Variants in ARHGEF38 observed in about 807,000 individuals in gnomAD.
ARHGEF38 encodes the protein Rho guanine nucleotide exchange factor 38, also known as Rho guanine nucleotide exchange factor (GEF) 38.
In ARHGEF38, 79 loss-of-function variants were observed where a neutral mutation model predicts 79.9. The ratio of observed to expected loss-of-function variants is 0.99; its 90% CI spans 0.82 to 1.19. The LOEUF (loss-of-function observed/expected upper bound fraction) is 1.19. ARHGEF38 is among the 50% of genes most tolerant of loss of function. The pLI is 0.00. For synonymous variants in ARHGEF38, 366 were observed against 328.3 expected (o/e 1.11, Z -1.24); for missense variants, 962 against 907.2 (o/e 1.06, Z -0.78).
At chr4:105,581,647 CTG>C (rs1726795452) in intron 1 of ARHGEF38, among the ~76,000 whole-genome samples, 1 of 152,032 alleles carries the variant, frequency 6.6e-6, no homozygotes, top group Non-Finnish European at 1.5e-5. Flanking sequence ...TTTTAAGATT[CTG>C]TATTATCTTT....
intron 2 of ARHGEF38, among the ~76,000 whole-genome samples, chr4:105,601,599 G>T (rs1009020697): frequency 2.6e-5 from 4 of 152,258 alleles, no homozygotes; most frequent in African/African-American, 9.6e-5. Context: ...TCCTATGGGA[G>T]GAGTATTTAC....
chr4:105,583,040 AGTT>A (rs1245321657), intron 1 of ARHGEF38, among the ~76,000 whole-genome samples: 5 of 152,130 alleles, frequency 3.3e-5, no homozygotes, highest in Admixed American at 1.3e-4. Context: ...AATGGCATAT[AGTT>A]GTTGTTTTTT....
At chr4:105,641,002 C>A (rs28415919) in intron 5 of ARHGEF38, among the ~76,000 whole-genome samples, 49,343 of 151,984 alleles carry the variant, frequency 0.32, 10,995 homozygotes, top group African/African-American at 0.63. Context: ...GTTCTTTTAA[C>A]CTGCAAATTC....
intron 3 of ARHGEF38, among the ~76,000 whole-genome samples, chr4:105,619,280 A>T (rs1728640422): frequency 6.6e-6 from 1 of 151,306 alleles, no homozygotes; most frequent in African/African-American, 2.4e-5. Flanking sequence ...GTGAGGGGAG[A>T]GGCCCAAACT....
chr4:105,667,996 A>T (rs1167719740), intron 13 of ARHGEF38, among the ~76,000 whole-genome samples: 1 of 152,176 alleles, frequency 6.6e-6, no homozygotes, highest in Non-Finnish European at 1.5e-5. Context: ...TACTTACAGC[A>T]AAGTATCTTT....
intron 5 of ARHGEF38, 66 bp from the exon 6 acceptor site, chr4:105,645,122 A>T: frequency 8.7e-7 from 1 of 1,147,200 alleles, no homozygotes; most frequent in Non-Finnish European, 1.1e-6. Context: ...ATAAAAACAC[A>T]CAAAAATGAA....
chr4:105,618,607 C>A (rs1026943019), intron 3 of ARHGEF38, among the ~76,000 whole-genome samples: 4 of 151,754 alleles, frequency 2.6e-5, no homozygotes, highest in Non-Finnish European at 5.9e-5. Flanking sequence ...GGTGACAGAG[C>A]GAGACTCCAT....
chr4:105,575,276 GAGTAGA>G (rs1446224517), intron 1 of ARHGEF38, among the ~76,000 whole-genome samples: 1 of 152,108 alleles, frequency 6.6e-6, no homozygotes, highest in Non-Finnish European at 1.5e-5. Flanking sequence ...CCCACCAGCA[GAGTAGA>G]AGCATTCTCC....
At chr4:105,593,349 C>T (rs1299174747) in intron 2 of ARHGEF38, among the ~76,000 whole-genome samples, 1 of 151,914 alleles carries the variant, frequency 6.6e-6, no homozygotes, top group Non-Finnish European at 1.5e-5. Flanking sequence ...CGAGACCAGC[C>T]TGGGCAGCAT....
chr4:105,660,434 CTTT>C (rs561329360), intron 10 of ARHGEF38, among the ~76,000 whole-genome samples: 8 of 139,896 alleles, frequency 5.7e-5, no homozygotes, highest in Admixed American at 1.4e-4. Flanking sequence ...CTTCCTCATT[CTTT>C]TTTTTTTTTT....
chr4:105,626,615 T>C (rs996520648), intron 3 of ARHGEF38, among the ~76,000 whole-genome samples: 1 of 152,132 alleles, frequency 6.6e-6, no homozygotes, highest in African/African-American at 2.4e-5. Flanking sequence ...ATTGTTTATT[T>C]ACCTTATTAT....
chr4:105,669,462 G>T (rs1730885523), intron 13 of ARHGEF38, among the ~76,000 whole-genome samples: 1 of 152,090 alleles, frequency 6.6e-6, no homozygotes, highest in Non-Finnish European at 1.5e-5. Flanking sequence ...AGGGCCAAAG[G>T]TATGTACATT....
chr4:105,583,987 T>G (rs1411886523), intron 1 of ARHGEF38, among the ~76,000 whole-genome samples: 1 of 152,164 alleles, frequency 6.6e-6, no homozygotes, highest in Non-Finnish European at 1.5e-5. Context: ...GTTTCCTGAG[T>G]ATGTTCCCTT....
At position 105,562,833 on chromosome 4, in the gene ARHGEF38, GACC is replaced by G. The variant is rs145645383; in HGVS notation, c.196+9879_196+9881del. 8.1e-3 allele frequency among the ~76,000 whole-genome samples: 1,235 copies of G among 152,268 alleles called. 16 individuals carry two copies. Among genetic ancestry groups the G allele is most frequent in the African/African-American group, 0.028 (1,166 of 41,552 alleles). On this transcript the variant is annotated intron_variant, in intron 1 of 13. Transcript: ENST00000420470. ...GGGGAATTATTAGGCAACATTCTGT[GACC>G]ACCACCTGGGGAAGAAAAGGGAAGG...
intron 1 of ARHGEF38, among the ~76,000 whole-genome samples, chr4:105,582,353 T>G (rs1444763858): frequency 6.6e-6 from 1 of 151,826 alleles, no homozygotes; most frequent in Non-Finnish European, 1.5e-5. Flanking sequence ...CACTCTTGCT[T>G]CTTTTCTTGT....
At chr4:105,655,300 A>G (rs1182807335) in intron 8 of ARHGEF38, among the ~76,000 whole-genome samples, 3 of 152,204 alleles carry the variant, frequency 2.0e-5, no homozygotes, top group African/African-American at 7.2e-5. Flanking sequence ...GTGATTTTTA[A>G]AATAAGAAAT....
chr4:105,638,003 T>C (rs1348520315), intron 5 of ARHGEF38, among the ~76,000 whole-genome samples: 1 of 152,116 alleles, frequency 6.6e-6, no homozygotes, highest in East Asian at 1.9e-4. Flanking sequence ...CCATGAATTA[T>C]TTTCCTTCCT....
intron 1 of ARHGEF38, chr4:105,561,542 A>ATGG (rs1725627237): frequency 6.6e-6 from 1 of 150,978 alleles, no homozygotes; most frequent in Non-Finnish European, 1.5e-5. Context: ...ATAGAATAGA[A>ATGG]AAGTTTCTTT....
Position 105,589,329 on chromosome 4 carries a change from C to T in ARHGEF38, c.278C>T (p.Ala93Val), listed in dbSNP as rs1727209161. ...EEEHHMKRMM[A>V]KREKIIKELI... ...GAGCATCATATGAAGAGGATGATGGCAAAGCGGGAAAAGATCATTAAGGAG... is the reference window on the plus strand; with the variant it reads ...GAGCATCATATGAAGAGGATGATGGTAAAGCGGGAAAAGATCATTAAGGAG... The change falls in exon 2 of 14, where the codon GCA becomes GTA. Residue 93 changes from alanine to valine, a missense_variant. Coordinates refer to ENST00000420470, the MANE Select transcript of ARHGEF38 (RefSeq NM_001242729.2). 2 of 1,613,764 alleles carry T rather than the reference C, an allele frequency of 1.2e-6. No individual in the cohort carries two copies. Among genetic ancestry groups the T allele is most frequent in the Non-Finnish European group, 8.5e-7 (1 of 1,179,950 alleles).
Sources: gnomAD v4.1 joint callset for allele counts (sites outside exome capture counted in the v4.1 genomes callset) on GRCh38, gnomAD v4.1.1 for gene constraint, MANE v1.5 for transcripts, NCBI Gene and HGNC (gene_info 2026-07-23, HGNC 2026-07-21) for gene names.